ABCC1: variants seen among roughly 807,000 people sequenced by gnomAD.
The protein encoded by ABCC1 is ATP binding cassette subfamily C member 1 (ABCC1 blood group), also known as multidrug resistance-associated protein 1.
In ABCC1, 83 loss-of-function variants were observed where a neutral mutation model predicts 172.9. The observed-to-expected ratio is 0.48, with a 90% CI of 0.40 to 0.58. The LOEUF is 0.58. Ranked by LOEUF, ABCC1 falls within the 20% of genes least tolerant of loss-of-function variation. The pLI is 0.00. For synonymous variants in ABCC1, 937 were observed against 825.2 expected, an observed-to-expected ratio of 1.14 and a Z score of -2.32; for missense variants, 1,817 against 2,002.7, an observed-to-expected ratio of 0.91 and a Z score of 1.77.
intron 21 of ABCC1, 81 bp from the exon 22 acceptor site, chr16:16,111,294 T>C: frequency 8.4e-7 from 1 of 1,194,962 alleles, no homozygotes; most frequent in Non-Finnish European, 1.2e-6. Flanking sequence ...ACAGTGCTGG[T>C]GAAGCCCCCG....
intron 25 of ABCC1, among the ~76,000 whole-genome samples, chr16:16,125,375 A>C (rs2045382654): frequency 6.6e-6 from 1 of 152,140 alleles, no homozygotes; most frequent in Admixed American, 6.6e-5. Flanking sequence ...TGGGGTTGCT[A>C]ATTTCGGTAC....
At chr16:15,997,932 G>T (rs570526841) in intron 1 of ABCC1, among the ~76,000 whole-genome samples, 9 of 149,712 alleles carry the variant, frequency 6.0e-5, no homozygotes, top group African/African-American at 2.2e-4. Flanking sequence ...TTGTGCCTCA[G>T]CTGCCCGACT....
intron 18 of ABCC1, among the ~76,000 whole-genome samples, chr16:16,088,814 C>T (rs926777277): frequency 2.0e-5 from 3 of 152,140 alleles, no homozygotes; most frequent in African/African-American, 4.8e-5. Flanking sequence ...TGAATCAATC[C>T]TCCTGCCTTC....
At chr16:16,025,506 C>T (rs956114273) in intron 5 of ABCC1, among the ~76,000 whole-genome samples, 12 of 152,204 alleles carry the variant, frequency 7.9e-5, no homozygotes, top group Non-Finnish European at 1.6e-4. Flanking sequence ...TGCTGCTGCA[C>T]GCATTGCCTC....
chr16:16,045,153 G>T (rs1182594454), intron 8 of ABCC1, among the ~76,000 whole-genome samples: 2 of 151,940 alleles, frequency 1.3e-5, no homozygotes, highest in African/African-American at 4.8e-5. Flanking sequence ...TATAATCCCA[G>T]CACTTTGAGA....
intron 1 of ABCC1, among the ~76,000 whole-genome samples, chr16:15,950,455 T>G (rs1700232302): frequency 6.6e-6 from 1 of 152,050 alleles, no homozygotes; most frequent in African/African-American, 2.4e-5. Context: ...AGACTTGGGG[T>G]GCAGCTGAGG....
At chr16:16,052,206 A>G (rs1351516013) in intron 10 of ABCC1, among the ~76,000 whole-genome samples, 1 of 151,456 alleles carries the variant, frequency 6.6e-6, no homozygotes, top group Non-Finnish European at 1.5e-5. Context: ...CTTACAAAAA[A>G]CCAAAAAAAT....
At chr16:16,103,447 G>A (rs1306743403) in intron 20 of ABCC1, among the ~76,000 whole-genome samples, 1 of 152,112 alleles carries the variant, frequency 6.6e-6, no homozygotes, top group Non-Finnish European at 1.5e-5. Flanking sequence ...AGGCATGGTG[G>A]CAGGCGCCTG....
chr16:15,952,374 A>T (rs889781204), intron 1 of ABCC1, among the ~76,000 whole-genome samples: 19 of 152,074 alleles, frequency 1.2e-4, no homozygotes, highest in Admixed American at 2.6e-4. Context: ...TGTTGTGACC[A>T]AGGTCATGTG....
At position 15,983,686 on chromosome 16, in the gene ABCC1, G is replaced by C. The variant is rs557580299; in HGVS notation, c.49-24130G>C. The stretch of plus-strand genomic sequence containing the variant: ...TCCTCCTACCTCAGCTTCCGGAGTA[G>C]CTGGGACTACAGGTGCCCACTACCA... On this transcript the variant is annotated intron_variant, in intron 1 of 30. Coordinates refer to ENST00000399410, the MANE Select transcript of ABCC1 (RefSeq NM_004996.4). 3.1e-3 allele frequency among the ~76,000 whole-genome samples: 468 copies of C among 151,570 alleles called. 3 individuals carry two copies. The highest frequency in any genetic ancestry group is 0.011 in the African/African-American group (454 of 41,300).
intron 1 of ABCC1, among the ~76,000 whole-genome samples, chr16:15,984,824 G>T (rs1411169687): frequency 2.0e-5 from 3 of 152,176 alleles, no homozygotes; most frequent in Non-Finnish European, 2.9e-5. Context: ...GTCATGGCCA[G>T]GTGCAGTGTG....
intron 18 of ABCC1, among the ~76,000 whole-genome samples, chr16:16,089,274 G>A (rs1004099899): frequency 6.6e-6 from 1 of 152,196 alleles, no homozygotes; most frequent in Non-Finnish European, 1.5e-5. Flanking sequence ...AGCTGGGCAC[G>A]GTAGCGCATG....
chr16:15,990,689 T>G (rs1457327708), intron 1 of ABCC1, among the ~76,000 whole-genome samples: 1 of 151,528 alleles, frequency 6.6e-6, no homozygotes, highest in Non-Finnish European at 1.5e-5. Flanking sequence ...TTGCTCTGTC[T>G]CCCAGGCTGG....
intron 1 of ABCC1, among the ~76,000 whole-genome samples, chr16:15,958,396 C>T (rs1178043192): frequency 1.3e-5 from 2 of 152,188 alleles, no homozygotes; most frequent in African/African-American, 2.4e-5. Flanking sequence ...AGGCATGAGC[C>T]ACCGTGCCTG....
At chr16:15,974,589 A>G (rs1277685466) in intron 1 of ABCC1, among the ~76,000 whole-genome samples, 2 of 152,168 alleles carry the variant, frequency 1.3e-5, no homozygotes, top group African/African-American at 2.4e-5. Context: ...TGATATGGAC[A>G]TGCTGCGTTT....
At chr16:16,055,426 T>G (rs2151912512) in intron 11 of ABCC1, among the ~76,000 whole-genome samples, 1 of 152,028 alleles carries the variant, frequency 6.6e-6, no homozygotes, top group Middle Eastern at 3.4e-3. Flanking sequence ...GGCAGGCGTT[T>G]ATAGTCCCAG....
At chr16:16,132,612 C>G (rs895552646) in intron 27 of ABCC1, among the ~76,000 whole-genome samples, 1 of 143,534 alleles carries the variant, frequency 7.0e-6, no homozygotes, top group Non-Finnish European at 1.5e-5. Context: ...ACTTCTGCCT[C>G]CTGGGTTCAA....
chr16:16,121,910 C>T, intron 23 of ABCC1, 65 bp from the exon 24 acceptor site: 1 of 1,551,152 alleles, frequency 6.4e-7, no homozygotes, highest in Non-Finnish European at 8.9e-7. Flanking sequence ...TCCAGCACAG[C>T]CCTGCCCTGG....
chr16:16,088,217 A>G (rs2051096504), intron 18 of ABCC1, among the ~76,000 whole-genome samples: 1 of 151,998 alleles, frequency 6.6e-6, no homozygotes, highest in Admixed American at 6.6e-5. Context: ...GGCCTAGACC[A>G]GTGGATCACC....
Sources: allele counts gnomAD v4.1 joint callset (sites outside exome capture counted in the v4.1 genomes callset), GRCh38; gene constraint gnomAD v4.1.1; transcripts MANE v1.5; gene names NCBI Gene and HGNC (gene_info 2026-07-23, HGNC 2026-07-21).